Variants in B4GALT3 observed in about 807,000 individuals in gnomAD.
The protein encoded by B4GALT3 is N-acetyllactosamine synthase.
In B4GALT3, 29 loss-of-function variants were observed where a neutral mutation model predicts 40.7. The ratio of observed to expected loss-of-function variants is 0.71; its 90% CI spans 0.53 to 0.97. The LOEUF (loss-of-function observed/expected upper bound fraction) is 0.97, where lower values mean the gene tolerates loss of function less well. Ranked by LOEUF, B4GALT3 falls within the 50% of genes least tolerant of loss-of-function variation. B4GALT3 has a pLI of 0.00. For synonymous variants in B4GALT3, 182 were observed against 203.9 expected, an observed-to-expected ratio of 0.89 and a Z score of 0.92; for missense variants, 390 against 522.3, an observed-to-expected ratio of 0.75 and a Z score of 2.47.
Position 161,176,007 on chromosome 1 carries a change from G to C in B4GALT3, c.54C>G (p.Ser18=). 1 of 1,614,090 alleles carries C rather than the reference G, an allele frequency of 6.2e-7. No individual in the cohort carries two copies. The highest frequency in any genetic ancestry group is 8.5e-7 in the Non-Finnish European group (1 of 1,180,032). The part of the protein sequence containing the change: ...RPCTLALLVG[S]QLAVMMYLSL... Reference sequence around the variant, plus strand: ...ACAGGTACATCATGACAGCCAGCTGGGAGCCCACAAGCAGGGCCAGCGTGC... The same window carrying C: ...ACAGGTACATCATGACAGCCAGCTGCGAGCCCACAAGCAGGGCCAGCGTGC... The change falls in exon 3 of 8, where the codon TCC becomes TCG. Residue 18 remains serine (S), a synonymous_variant. Coordinates refer to ENST00000319769, the MANE Select transcript of B4GALT3 (RefSeq NM_003779.4).
rs749571924 is a variant in B4GALT3, at chr1:161,171,861, C to T, written c.1137G>A (p.Gly379=). ...MLQRRPPARP[G]PLSTANHTAL... The stretch of plus-strand genomic sequence containing the variant: ...CTGTGTGGTTGGCAGTAGATAGAGG[C>T]CCAGGCCTGGCTGGGGGCCGGCGTT... The change falls in exon 8 of 8, where the codon GGG becomes GGA. Residue 379 remains glycine, a synonymous_variant. Coordinates refer to ENST00000319769, the MANE Select transcript of B4GALT3 (RefSeq NM_003779.4). 2.0e-5 allele frequency: 32 copies of T among 1,614,126 alleles called. No individual in the cohort carries two copies. Among genetic ancestry groups the T allele is most frequent in the Non-Finnish European group, 2.7e-5 (32 of 1,180,012 alleles).
In B4GALT3 at chr1:161,175,071, G is replaced by A; in HGVS notation, c.411C>T (p.His137=). 1 of 1,614,128 alleles carries A rather than the reference G, an allele frequency of 6.2e-7. No homozygotes were observed. Among genetic ancestry groups the A allele is most frequent in the Non-Finnish European group, 8.5e-7 (1 of 1,179,968 alleles). Residue 137 remains histidine (H), a synonymous_variant, in exon 4 of 8, where the codon CAC becomes CAT. Transcript: ENST00000319769. ...GCAGGTGGTAGAGCAGCAGGCGCAGGTGGTGCTCCCGGGCACGATGAGGCA... is the reference window on the plus strand; with the variant it reads ...GCAGGTGGTAGAGCAGCAGGCGCAGATGGTGCTCCCGGGCACGATGAGGCA... ...IIVPHRAREH[H]LRLLLYHLHP...
intron 3 of B4GALT3, 130 bp from the exon 4 acceptor site, chr1:161,175,358 C>T: frequency 1.2e-6 from 1 of 806,380 alleles, no homozygotes; most frequent in Non-Finnish European, 2.0e-6. Flanking sequence ...ACTCAGAAAT[C>T]TCGCATGCCT....
Position 161,171,675 on chromosome 1 carries a change from T to A in B4GALT3, c.*141A>T. 8.2e-7 allele frequency: 1 copy of A among 1,217,960 alleles called. No individual in the cohort carries two copies. Among genetic ancestry groups the A allele is most frequent in the Non-Finnish European group, 1.1e-6 (1 of 880,310 alleles). 75.4% of individuals were successfully genotyped at this position (1,217,960 alleles called of 1,614,324 possible). A position where few individuals can be genotyped will look rare whatever the true frequency, so the allele number is the denominator to read the frequency against. ...CAGGAGCCCAGCTCCAGTCCAGCAG[T>A]GAGGGAGAGGCCCCTACCCCCTAGC... On this transcript the variant is annotated 3_prime_UTR_variant, in exon 8 of 8. Transcript: ENST00000319769.
intron 1 of B4GALT3, 110 bp downstream of exon 1, chr1:161,177,313 C>T (rs1442624543): frequency 3.7e-6 from 2 of 546,250 alleles, no homozygotes; most frequent in African/African-American, 3.8e-5. Context: ...CACCTAGGAC[C>T]CCGTCCCTGC....
rs780404324 is a variant in B4GALT3, at chr1:161,172,072, C to T, written c.926G>A (p.Arg309His). ...ENPHRFDLLV[R>H]TQNSWTQDGM... Reference sequence around the variant, plus strand: ...ATCTTGCGTCCAGGAATTCTGGGTACGGACCAGGAGGTCAAATCTGAGGGT... The same window carrying T: ...ATCTTGCGTCCAGGAATTCTGGGTATGGACCAGGAGGTCAAATCTGAGGGT... Residue 309 changes from arginine to histidine, a missense_variant, in exon 8 of 8, where the codon CGT becomes CAT. Physicochemically the swap from Arg to His is conservative, Grantham distance 29 (BLOSUM62 0). Coordinates refer to ENST00000319769, the MANE Select transcript of B4GALT3 (RefSeq NM_003779.4). The T allele has an allele frequency of 2.5e-5, 40 of 1,613,978 alleles. No homozygotes were observed. Among genetic ancestry groups the T allele is most frequent in the Non-Finnish European group, 3.0e-5 (35 of 1,180,026 alleles).
intron 1 of B4GALT3, 131 bp from the exon 2 acceptor site, chr1:161,176,710 A>T: frequency 1.5e-6 from 1 of 660,108 alleles, no homozygotes; most frequent in Non-Finnish European, 2.6e-6. Flanking sequence ...AGGAGATGGT[A>T]GGTCCCTCGC....
Position 161,175,089 on chromosome 1 carries a change from A to G in B4GALT3, c.393T>C (p.His131=). The change falls in exon 4 of 8, where the codon CAT becomes CAC. Residue 131 remains histidine (H), a synonymous_variant. Transcript: ENST00000319769. The part of the protein sequence containing the change: ...PRSRTAIIVP[H]RAREHHLRLL... ...GGCGCAGGTGGTGCTCCCGGGCACG[A>G]TGAGGCACAATGATGGCTGTTCGGG... The G allele has an allele frequency of 6.2e-7, 1 of 1,614,074 alleles. No individual in the cohort carries two copies. The highest frequency in any genetic ancestry group is 8.5e-7 in the Non-Finnish European group (1 of 1,179,936).
chr1:161,171,715 C>A lies in B4GALT3; in HGVS notation c.*101G>T. 1 of 1,493,806 alleles carries A rather than the reference C, an allele frequency of 6.7e-7. No homozygotes were observed. Among genetic ancestry groups the A allele is most frequent in the South Asian group, 1.3e-5 (1 of 79,746 alleles). The allele number at this position is 1,493,806 out of a possible 1,614,324, so 92.5% of individuals were successfully genotyped here. A position where few individuals can be genotyped will look rare whatever the true frequency, so the allele number is the denominator to read the frequency against. The stretch of plus-strand genomic sequence containing the variant: ...TACCCCCTAGCACGGCACCAGAGTT[C>A]AGTTCCCTCACATCCCTCTGAGAAC... On this transcript the variant is annotated 3_prime_UTR_variant, in exon 8 of 8. Transcript: ENST00000319769.
intron 4 of B4GALT3, 104 bp downstream of exon 4, chr1:161,174,886 CCTT>C (rs1437800226): frequency 4.9e-6 from 6 of 1,216,634 alleles, no homozygotes; most frequent in Non-Finnish European, 7.2e-6. Flanking sequence ...AACAGTCTGG[CCTT>C]CTTAAAATTA....
intron 1 of B4GALT3, chr1:161,177,088 G>A: frequency 6.5e-7 from 1 of 1,530,094 alleles, no homozygotes; most frequent in Non-Finnish European, 8.8e-7. Context: ...TCTAGCGGGG[G>A]TGGGGAGGAG....
intron 5 of B4GALT3, 25 bp from the exon 6 acceptor site, chr1:161,173,752 AC>A (rs1415368058): frequency 1.2e-6 from 2 of 1,613,762 alleles, no homozygotes; most frequent in Non-Finnish European, 8.5e-7. Flanking sequence ...ATCCTTGCAT[AC>A]CCCGAGTCTT....
chr1:161,172,667 G>A (rs1661879237), intron 6 of B4GALT3, among the ~76,000 whole-genome samples: 1 of 143,512 alleles, frequency 7.0e-6, no homozygotes, highest in South Asian at 2.3e-4. Context: ...AGAGAAGACT[G>A]GGAGTTGCTG....
Position 161,173,909 on chromosome 1 carries a change from G to A in B4GALT3, c.630C>T (p.Asp210=), listed in dbSNP as rs958312066. ...PENDHNLYVC[D]PRGPRHVAVA... Reference sequence around the variant, plus strand: ...CGGCAACATGGCGGGGTCCCCGGGGGTCACACACATACAGATTGTGGTCAT... The same window carrying A: ...CGGCAACATGGCGGGGTCCCCGGGGATCACACACATACAGATTGTGGTCAT... The change falls in exon 5 of 8, where the codon GAC becomes GAT. Residue 210 remains aspartate (D), a synonymous_variant. Transcript: ENST00000319769. The A allele has an allele frequency of 1.9e-6, 3 of 1,614,016 alleles. No individual in the cohort carries two copies. In the African/African-American group the frequency reaches 4.0e-5, roughly 22 times the overall value.
Position 161,173,842 on chromosome 1 carries a change from C to A in B4GALT3, c.680+17G>T, listed in dbSNP as rs1000106201. 1 of 1,611,778 alleles carries A rather than the reference C, an allele frequency of 6.2e-7. No homozygotes were observed. The highest frequency in any genetic ancestry group is 8.5e-7 in the Non-Finnish European group (1 of 1,178,504). ...AGTAGGCTTCCCTGTTTCCCAGTAC[C>A]CTTCCATGCCCTCTACCTGTATCCA... On this transcript the variant is annotated intron_variant, in intron 5 of 7. Coordinates refer to ENST00000319769, the MANE Select transcript of B4GALT3 (RefSeq NM_003779.4).
chr1:161,175,727 A>G (rs972027134), intron 3 of B4GALT3, 81 bp downstream of exon 3: 1 of 1,558,558 alleles, frequency 6.4e-7, no homozygotes, highest in African/African-American at 1.4e-5. Context: ...CACTTCTGCC[A>G]CTCCATGCCT....
In B4GALT3 at chr1:161,171,956, C is replaced by T. The variant is rs187196663; in HGVS notation, c.1042G>A (p.Gly348Ser). Residue 348 changes from glycine (G) to serine (S), a missense_variant, in exon 8 of 8, where the codon GGT becomes AGT. Coordinates refer to ENST00000319769, the MANE Select transcript of B4GALT3 (RefSeq NM_003779.4). The part of the protein sequence containing the change: ...ITADIGTDPR[G>S]PRAPSGPRYP... Reference sequence around the variant, plus strand: ...CGTGGCCCAGAAGGAGCCCGAGGACCCCGAGGGTCAGTCCCAATGTCTGCT... The same window carrying T: ...CGTGGCCCAGAAGGAGCCCGAGGACTCCGAGGGTCAGTCCCAATGTCTGCT... 1.1e-5 allele frequency: 17 copies of T among 1,614,130 alleles called. No homozygotes were observed. In the Admixed American group the frequency reaches 2.8e-4, roughly 27 times the overall value.
chr1:161,175,569 G>A (rs1663180818), intron 3 of B4GALT3, among the ~76,000 whole-genome samples: 1 of 152,194 alleles, frequency 6.6e-6, no homozygotes, highest in African/African-American at 2.4e-5. Context: ...GGGGCAGGAA[G>A]AGCCCATAAA....
chr1:161,172,458 C>T, intron 6 of B4GALT3, 127 bp from the exon 7 acceptor site: 1 of 774,756 alleles, frequency 1.3e-6, no homozygotes. Flanking sequence ...AAGCCCAGGA[C>T]AGAAGTCAAA....
Sources: allele counts gnomAD v4.1 joint callset (sites outside exome capture counted in the v4.1 genomes callset), GRCh38; gene constraint gnomAD v4.1.1; transcripts MANE v1.5; gene names NCBI Gene and HGNC (gene_info 2026-07-23, HGNC 2026-07-21).